Variants in TJAP1 observed in about 807,000 individuals in gnomAD.
TJAP1 encodes tight junction-associated protein 1.
Under a neutral mutation model 42.0 loss-of-function variants are expected in TJAP1, and 27 were observed. That is an observed-to-expected ratio of 0.64 (90% CI 0.47 to 0.89). The LOEUF is 0.89. Ranked by LOEUF, TJAP1 falls within the 40% of genes least tolerant of loss-of-function variation. The pLI, the probability that TJAP1 is intolerant of heterozygous loss-of-function variation, is 0.00. For missense variants in TJAP1, 712 were observed against 726.9 expected (o/e 0.98, Z 0.24); for synonymous variants, 257 against 288.4 (o/e 0.89, Z 1.10).
chr6:43,502,753 T>C, intron 8 of TJAP1, 136 bp downstream of exon 8: 5 of 1,003,200 alleles, frequency 5.0e-6, no homozygotes, highest in Non-Finnish European at 3.1e-6. Flanking sequence ...TGAGGCCCGT[T>C]TAACTGTCAA....
intron 5 of TJAP1, chr6:43,501,090 C>A: frequency 2.3e-6 from 1 of 441,024 alleles, no homozygotes; most frequent in South Asian, 3.1e-5. Context: ...CCTTTAGCCA[C>A]ATGAGGCCTC....
chr6:43,503,555 TGTCCTGGCTCG>T, intron 9 of TJAP1, 47 bp downstream of exon 9: 1 of 1,611,388 alleles, frequency 6.2e-7, no homozygotes, highest in African/African-American at 1.3e-5. Flanking sequence ...GGGCTAGCTT[TGTCCTGGCTCG>T]GCCCTGCTTC....
chr6:43,501,935 T>A lies in TJAP1; in HGVS notation c.290+248T>A, dbSNP rs951945748. Among the ~76,000 whole-genome samples, 1,327 of 133,930 alleles carry A rather than the reference T, an allele frequency of 9.9e-3. 57 individuals are homozygous for A. The highest frequency in any genetic ancestry group is 0.038 in the African/African-American group (1,100 of 29,256). 87.9% of individuals were successfully genotyped at this position (133,930 alleles called of 152,430 possible). On this transcript the variant is annotated intron_variant, in intron 6 of 10. Coordinates refer to ENST00000372449, the Ensembl canonical transcript of TJAP1. ...CACACACACACACACACACTCTCTC[T>A]CTCTCTCTCTCTCTCTCTCTCCTTT... is the stretch of plus-strand genomic sequence containing the variant.
intron 2 of TJAP1, among the ~76,000 whole-genome samples, chr6:43,478,478 C>T (rs1341481787): frequency 1.3e-5 from 2 of 152,208 alleles, no homozygotes; most frequent in African/African-American, 4.8e-5. Context: ...GCCTAGAGAC[C>T]AGGCCGAAGG....
In TJAP1 at chr6:43,492,902, C is replaced by A. The variant is rs1011054301; in HGVS notation, c.-121-4979C>A. Among the ~76,000 whole-genome samples the A allele has an allele frequency of 6.6e-6, 1 of 152,200 alleles. No homozygotes were observed. ...CAGCTTCCCACAGGCTTGCAGACTT[C>A]AGAGACTCCACATCCAGCACTTACA... On this transcript the variant is annotated intron_variant, in intron 2 of 10. Transcript: ENST00000372449. This position sits in a 1 kb window ranked among gnomAD's most constrained non-coding sequence, Gnocchi z 4.2.
At chr6:43,499,750 G>A (rs778419388) in intron 4 of TJAP1, among the ~76,000 whole-genome samples, 3 of 152,236 alleles carry the variant, frequency 2.0e-5, no homozygotes, top group African/African-American at 4.8e-5. Flanking sequence ...GTCACAGTGC[G>A]TGGAGCACAT....
chr6:43,494,648 CTTTTTTTTTTTTT>C (rs775378416), intron 2 of TJAP1, among the ~76,000 whole-genome samples: 1 of 114,400 alleles, frequency 8.7e-6, no homozygotes, highest in Non-Finnish European at 1.7e-5. Flanking sequence ...TGTTGATTTC[CTTTTTTTTTTTTT>C]TTTTTTTTGA....
At chr6:43,477,665 C>T (rs1784478564) in intron 1 of TJAP1, 37 bp downstream of exon 1, 1 of 152,120 alleles carries the variant, frequency 6.6e-6, no homozygotes, top group African/African-American at 2.4e-5. Flanking sequence ...GCGGGGAAGC[C>T]AGAGTTGGGG....
In TJAP1 at chr6:43,490,883, T is replaced by C. The variant is rs112101239; in HGVS notation, c.-121-6998T>C. Reference sequence around the variant, plus strand: ...GGGAGATGGGTGCGTGCAGCCTGGCTTGGAGAAGCTCCCACGCAGTCCCTT... The same window carrying C: ...GGGAGATGGGTGCGTGCAGCCTGGCCTGGAGAAGCTCCCACGCAGTCCCTT... On this transcript the variant is annotated intron_variant, in intron 2 of 10. Transcript: ENST00000372449. Among the ~76,000 whole-genome samples, 57 of 152,314 alleles carry C rather than the reference T, an allele frequency of 3.7e-4. 1 individual carries two copies. Among genetic ancestry groups the C allele is most frequent in the Middle Eastern group, 3.4e-3 (1 of 294 alleles).
chr6:43,501,661 G>A, exon 6 of TJAP1: 1 of 1,440,022 alleles, frequency 6.9e-7, no homozygotes, highest in Non-Finnish European at 9.8e-7. Context: ...GCGAGGAGCT[G>A]GACAAATTTA....
At chr6:43,494,424 C>T (rs1485564812) in intron 2 of TJAP1, among the ~76,000 whole-genome samples, 2 of 152,112 alleles carry the variant, frequency 1.3e-5, no homozygotes, top group African/African-American at 4.8e-5. Context: ...GTGTCTCCCT[C>T]AACACTGCCT....
At chr6:43,489,894 T>G (rs979664311) in intron 2 of TJAP1, 12 of 152,440 alleles carry the variant, frequency 7.9e-5, no homozygotes, top group African/African-American at 2.9e-4. Context: ...GCTTTCTCTC[T>G]GCAGCTCCGG....
At chr6:43,499,629 G>A (rs1582064744) in intron 4 of TJAP1, among the ~76,000 whole-genome samples, 1 of 152,178 alleles carries the variant, frequency 6.6e-6, no homozygotes, top group South Asian at 2.1e-4. Context: ...TCTGCTCTTC[G>A]GGGCCTATAG....
chr6:43,490,514 T>C (rs1016961129), intron 2 of TJAP1, among the ~76,000 whole-genome samples: 7 of 152,230 alleles, frequency 4.6e-5, no homozygotes, highest in African/African-American at 1.7e-4. Context: ...GTGTCCCTGT[T>C]ACTCTCACCC....
At chr6:43,484,337 T>C (rs1785979787) in intron 2 of TJAP1, among the ~76,000 whole-genome samples, 1 of 151,830 alleles carries the variant, frequency 6.6e-6, no homozygotes, top group Admixed American at 6.6e-5. Flanking sequence ...CAGGCACCTG[T>C]AATCCCAGCT....
rs947343291 is a variant in TJAP1 at position 43,500,112 on chromosome 6, C to T, written c.100-632C>T. On this transcript the variant is annotated intron_variant, in intron 4 of 10. Coordinates refer to ENST00000372449, the Ensembl canonical transcript of TJAP1. ...AATAGGCCCCTTGATGTTTCCCTCT[C>T]GCGATAGCAGGGGCCTACTCTGCTT... 3.3e-5 allele frequency among the ~76,000 whole-genome samples: 5 copies of T among 152,182 alleles called. No homozygotes were observed. The South Asian group carries it at 8.3e-4, about 25-fold the overall frequency.
At chr6:43,504,656 G>A in intron 10 of TJAP1, 105 bp from the exon 11 acceptor site, 2 of 1,385,700 alleles carry the variant, frequency 1.4e-6, no homozygotes, top group Non-Finnish European at 2.0e-6. Flanking sequence ...GCAGAGTGCT[G>A]AGTACACAGA....
intron 2 of TJAP1, among the ~76,000 whole-genome samples, chr6:43,484,864 T>A (rs1025509857): frequency 2.0e-5 from 3 of 152,234 alleles, no homozygotes; most frequent in Non-Finnish European, 4.4e-5. Flanking sequence ...TAGCTGGGAT[T>A]ACAGGTGCCT....
exon 7 of TJAP1, chr6:43,502,339 T>C: frequency 6.2e-7 from 1 of 1,613,684 alleles, no homozygotes; most frequent in Non-Finnish European, 8.5e-7. Flanking sequence ...GAGGACAAGC[T>C]GCACACACTG....
Sources: gnomAD v4.1 joint callset for allele counts (sites outside exome capture counted in the v4.1 genomes callset) on GRCh38, gnomAD v4.1.1 for gene constraint, Gnocchi (gnomAD v3.1) non-coding constraint, MANE v1.5 for transcripts, NCBI Gene and HGNC (gene_info 2026-07-23, HGNC 2026-07-21) for gene names.